HACE1: variants seen among roughly 807,000 people sequenced by gnomAD.
HACE1 encodes E3 ubiquitin-protein ligase HACE1.
A neutral mutation model predicts 118.4 loss-of-function variants in HACE1; 73 were observed. The ratio of observed to expected loss-of-function variants is 0.62; its 90% CI spans 0.51 to 0.75. The LOEUF (loss-of-function observed/expected upper bound fraction) is 0.75, where lower values mean the gene tolerates loss of function less well. Ranked by LOEUF, HACE1 falls within the 30% of genes least tolerant of loss-of-function variation. HACE1 has a pLI of 0.00. For synonymous variants in HACE1, 368 were observed against 374.8 expected (o/e 0.98, Z 0.21); for missense variants, 749 against 1,102.2 (o/e 0.68, Z 4.54).
chr6:104,777,352 G>T, intron 14 of HACE1, 35 bp from the exon 15 acceptor site: 2 of 1,243,372 alleles, frequency 1.6e-6, no homozygotes, highest in Non-Finnish European at 2.4e-6. Context: ...TATGTTAGCA[G>T]TGTATCAGTC....
intron 22 of HACE1, among the ~76,000 whole-genome samples, chr6:104,740,284 A>T (rs1337839340): frequency 1.4e-5 from 2 of 148,026 alleles, no homozygotes; most frequent in Non-Finnish European, 3.0e-5. Context: ...AAACACATTC[A>T]AAAGCTAGCA....
chr6:104,743,815 CAATATACAAATATTAAAATATTAAAAT>C (rs1777104135), intron 22 of HACE1, among the ~76,000 whole-genome samples: 1 of 126,790 alleles, frequency 7.9e-6, no homozygotes, highest in Non-Finnish European at 1.6e-5. Flanking sequence ...ACCAAACCAG[CAATATACAAATATTAAAATATTAAAAT>C]AATATACAAA....
At chr6:104,809,901 A>G (rs2114963291) in intron 7 of HACE1, among the ~76,000 whole-genome samples, 1 of 152,168 alleles carries the variant, frequency 6.6e-6, no homozygotes, top group South Asian at 2.1e-4. Flanking sequence ...AAAATAACCT[A>G]ATTATTTCTA....
intron 6 of HACE1, among the ~76,000 whole-genome samples, chr6:104,825,277 A>T (rs1274882681): frequency 6.6e-6 from 1 of 152,154 alleles, no homozygotes; most frequent in Non-Finnish European, 1.5e-5. Context: ...TAACAAAAGG[A>T]CCAGCGACCT....
intron 22 of HACE1, among the ~76,000 whole-genome samples, chr6:104,743,206 A>C (rs1478330911): frequency 1.3e-5 from 2 of 150,276 alleles, no homozygotes; most frequent in Non-Finnish European, 3.0e-5. Flanking sequence ...AGATATACCT[A>C]ATGCTAGATG....
intron 22 of HACE1, among the ~76,000 whole-genome samples, chr6:104,741,797 C>T (rs1227824902): frequency 9.9e-4 from 142 of 142,778 alleles, no homozygotes; most frequent in African/African-American, 2.6e-3. Context: ...CTTCACAGAA[C>T]TGGAAAAAAC....
At chr6:104,816,954 T>C (rs1265632776) in intron 6 of HACE1, among the ~76,000 whole-genome samples, 1 of 152,196 alleles carries the variant, frequency 6.6e-6, no homozygotes, top group Non-Finnish European at 1.5e-5. Context: ...CAGACTTGCA[T>C]GGGGCCTGTA....
chr6:104,807,389 A>C (rs1291998236), intron 7 of HACE1, among the ~76,000 whole-genome samples: 1 of 152,154 alleles, frequency 6.6e-6, no homozygotes, highest in Non-Finnish European at 1.5e-5. Context: ...GTTGCTTCGC[A>C]GTAGCTACAA....
intron 5 of HACE1, among the ~76,000 whole-genome samples, 190 bp downstream of exon 5, chr6:104,843,033 A>T (rs1486499554): frequency 2.6e-5 from 4 of 152,128 alleles, no homozygotes; most frequent in African/African-American, 9.7e-5. Context: ...AATCGCTTGA[A>T]CCAGGAGGCA....
At chr6:104,830,190 C>G (rs1438410055) in intron 6 of HACE1, among the ~76,000 whole-genome samples, 1 of 152,208 alleles carries the variant, frequency 6.6e-6, no homozygotes, top group Non-Finnish European at 1.5e-5. Context: ...AGGTGCTCTT[C>G]TGTCCTCTGA....
chr6:104,857,857 T>C (rs1024871668), intron 1 of HACE1, among the ~76,000 whole-genome samples: 1 of 150,168 alleles, frequency 6.7e-6, no homozygotes, highest in Non-Finnish European at 1.5e-5. Flanking sequence ...CTGGGAAGGC[T>C]GAGGCAGGAG....
intron 6 of HACE1, among the ~76,000 whole-genome samples, chr6:104,819,382 C>T (rs1772450050): frequency 6.6e-6 from 1 of 152,102 alleles, no homozygotes; most frequent in African/African-American, 2.4e-5. Context: ...TCAAAGATAT[C>T]AGAGATGACA....
rs949291751 is a variant in HACE1 at position 104,728,554 on chromosome 6, G to C, written c.*1108C>G. The C allele has an allele frequency of 3.9e-5, 6 of 152,148 alleles. No homozygotes were observed. The highest frequency in any genetic ancestry group is 7.4e-5 in the Non-Finnish European group (5 of 68,016). The allele number at this position is 152,148 out of a possible 1,614,324, so 9.4% of individuals were successfully genotyped here. A position where few individuals can be genotyped will look rare whatever the true frequency, so the allele number is the denominator to read the frequency against. Reference sequence around the variant, plus strand: ...ACAATGACTGCTTATGAGAAAATCTGCATATGTCATTCTACAAACAGTAAT... The same window carrying C: ...ACAATGACTGCTTATGAGAAAATCTCCATATGTCATTCTACAAACAGTAAT... On this transcript the variant is annotated 3_prime_UTR_variant, in exon 24 of 24. Coordinates refer to ENST00000262903, the MANE Select transcript of HACE1 (RefSeq NM_020771.4).
chr6:104,844,780 A>C (rs1402730249), intron 4 of HACE1, among the ~76,000 whole-genome samples: 1 of 151,410 alleles, frequency 6.6e-6, no homozygotes, highest in African/African-American at 2.4e-5. Context: ...CTCCTGCCTT[A>C]GCCTCCCAAG....
intron 22 of HACE1, among the ~76,000 whole-genome samples, chr6:104,739,634 G>A (rs1776392048): frequency 6.6e-6 from 1 of 151,908 alleles, no homozygotes; most frequent in African/African-American, 2.4e-5. Context: ...AAATATATAT[G>A]CACCCAATAC....
intron 19 of HACE1, among the ~76,000 whole-genome samples, chr6:104,764,917 G>T (rs958245616): frequency 2.6e-5 from 4 of 152,162 alleles, no homozygotes; most frequent in East Asian, 1.9e-4. Context: ...ATGCACAATT[G>T]TGTCTTTACT....
Position 104,833,029 on chromosome 6 carries a change from T to G in HACE1, c.534+13A>C. ...AAACACATGCAGCTTAAAGTCCTCA[T>G]GGCTCAACTTACCGTCTTGTGACCG... On this transcript the variant is annotated intron_variant, in intron 6 of 23. Transcript: ENST00000262903. 6.2e-7 allele frequency: 1 copy of G among 1,611,916 alleles called. No homozygotes were observed. Among genetic ancestry groups the G allele is most frequent in the Non-Finnish European group, 8.5e-7 (1 of 1,177,934 alleles).
Position 104,811,403 on chromosome 6 carries a change from A to G in HACE1, c.535-10T>C, listed in dbSNP as rs199898723. 4.8e-5 allele frequency: 64 copies of G among 1,330,106 alleles called. No individual in the cohort carries two copies. The highest frequency in any genetic ancestry group is 1.9e-4 in the African/African-American group (13 of 69,388). 82.4% of individuals were successfully genotyped at this position (1,330,106 alleles called of 1,614,324 possible). ...GCAAGCACTGCACTGTCTGAGGGGGAAAAAATAATTAAAAGTAAAGCCAGA... is the reference window on the plus strand; with the variant it reads ...GCAAGCACTGCACTGTCTGAGGGGGGAAAAATAATTAAAAGTAAAGCCAGA... On this transcript the variant is annotated splice_polypyrimidine_tract_variant and intron_variant, in intron 6 of 23. Coordinates refer to ENST00000262903, the MANE Select transcript of HACE1 (RefSeq NM_020771.4).
chr6:104,784,384 TA>T, intron 13 of HACE1, 32 bp downstream of exon 13: 1 of 1,382,194 alleles, frequency 7.2e-7, no homozygotes, highest in African/African-American at 1.4e-5. Context: ...GAGGAAAGGC[TA>T]GCAGGGTACT....
Sources: gnomAD v4.1 joint callset for allele counts (sites outside exome capture counted in the v4.1 genomes callset) on GRCh38, gnomAD v4.1.1 for gene constraint, MANE v1.5 for transcripts, NCBI Gene and HGNC (gene_info 2026-07-23, HGNC 2026-07-21) for gene names.